SPOCK3: variants seen among roughly 807,000 people sequenced by gnomAD.
SPOCK3 encodes SPARC (osteonectin), cwcv and kazal like domains proteoglycan 3, also known as testican-3.
In SPOCK3, 30 loss-of-function variants were observed where a neutral mutation model predicts 56.6. The observed-to-expected ratio is 0.53, with a 90% CI of 0.40 to 0.72. The LOEUF is 0.72. Among genes scored for constraint, SPOCK3 ranks in the 30% least tolerant of loss-of-function variants. SPOCK3 has a pLI of 0.00. For synonymous variants in SPOCK3, 196 were observed against 183.3 expected, an observed-to-expected ratio of 1.07 and a Z score of -0.56; for missense variants, 527 against 530.0, an observed-to-expected ratio of 0.99 and a Z score of 0.06.
At chr4:167,209,347 G>A (rs1347795703) in intron 2 of SPOCK3, among the ~76,000 whole-genome samples, 7 of 152,030 alleles carry the variant, frequency 4.6e-5, no homozygotes, top group Non-Finnish European at 8.8e-5. Context: ...TGATGGATGA[G>A]TAGAATTTTT....
intron 4 of SPOCK3, among the ~76,000 whole-genome samples, chr4:166,974,357 C>T: frequency 6.6e-6 from 1 of 152,174 alleles, no homozygotes; most frequent in Non-Finnish European, 1.5e-5. Flanking sequence ...ATTTTGAAAT[C>T]TATTAATACT....
At chr4:166,916,242 A>G (rs117829714) in intron 4 of SPOCK3, among the ~76,000 whole-genome samples, 3,503 of 152,120 alleles carry the variant, frequency 0.023, 117 homozygotes, top group African/African-American at 0.069. Flanking sequence ...ATAGTTTCAT[A>G]TAATTATAAA....
chr4:166,957,959 A>T (rs1326512261), intron 4 of SPOCK3, among the ~76,000 whole-genome samples: 1 of 152,130 alleles, frequency 6.6e-6, no homozygotes, highest in Non-Finnish European at 1.5e-5. Flanking sequence ...GGTTACTGGG[A>T]AGGCACAATT....
At chr4:166,914,508 C>T (rs1019204890) in intron 4 of SPOCK3, among the ~76,000 whole-genome samples, 5 of 152,144 alleles carry the variant, frequency 3.3e-5, no homozygotes, top group Admixed American at 6.6e-5. Context: ...CGTTGGCTCA[C>T]GCCTGTAATC....
intron 2 of SPOCK3, among the ~76,000 whole-genome samples, chr4:167,208,857 A>G (rs1734597849): frequency 6.6e-6 from 1 of 152,164 alleles, no homozygotes; most frequent in South Asian, 2.1e-4. Flanking sequence ...TTAAAACAAT[A>G]TCTTGATAAG....
chr4:167,015,738 C>A (rs529611699), intron 3 of SPOCK3, among the ~76,000 whole-genome samples: 134 of 152,192 alleles, frequency 8.8e-4, no homozygotes, highest in Middle Eastern at 3.4e-3. Context: ...AGATTAAAAC[C>A]CAGAAATTAT....
intron 2 of SPOCK3, among the ~76,000 whole-genome samples, chr4:167,182,566 G>A (rs1435189773): frequency 6.6e-6 from 1 of 150,814 alleles, no homozygotes; most frequent in Non-Finnish European, 1.5e-5. Flanking sequence ...TTCAAGACAA[G>A]TCTTGCTGTA....
intron 6 of SPOCK3, among the ~76,000 whole-genome samples, chr4:166,854,004 G>A (rs895150360): frequency 1.3e-5 from 2 of 152,082 alleles, no homozygotes; most frequent in African/African-American, 4.8e-5. Context: ...AACAATGTTA[G>A]TTTGAGCAAT....
At chr4:167,189,596 C>A (rs1732304294) in intron 2 of SPOCK3, among the ~76,000 whole-genome samples, 1 of 144,920 alleles carries the variant, frequency 6.9e-6, no homozygotes, top group Non-Finnish European at 1.5e-5. Context: ...TAACACATCC[C>A]TCATATCTCA....
At chr4:167,036,769 C>T (rs187092508) in intron 3 of SPOCK3, among the ~76,000 whole-genome samples, 27 of 151,928 alleles carry the variant, frequency 1.8e-4, no homozygotes, top group Non-Finnish European at 2.6e-4. Context: ...AAAATAAATA[C>T]GACTCTCTAG....
intron 8 of SPOCK3, among the ~76,000 whole-genome samples, chr4:166,750,525 AT>A (rs1329238482): frequency 7.1e-6 from 1 of 141,278 alleles, no homozygotes; most frequent in Non-Finnish European, 1.5e-5. Flanking sequence ...AGAATTTTTT[AT>A]TAACTGTTCT....
chr4:166,920,289 C>T (rs556002003), intron 4 of SPOCK3, among the ~76,000 whole-genome samples: 43 of 152,248 alleles, frequency 2.8e-4, no homozygotes, highest in South Asian at 6.2e-4. Flanking sequence ...ATCTTCACCA[C>T]CACCAAAATA....
intron 8 of SPOCK3, among the ~76,000 whole-genome samples, chr4:166,745,998 A>T (rs938488907): frequency 6.6e-6 from 1 of 152,160 alleles, no homozygotes; most frequent in Non-Finnish European, 1.5e-5. Context: ...AAGTCCTTAG[A>T]GACCTACAAA....
chr4:166,979,436 C>T (rs899604217), intron 4 of SPOCK3, among the ~76,000 whole-genome samples: 1 of 152,138 alleles, frequency 6.6e-6, no homozygotes. Context: ...ATTGTTTTTT[C>T]CCCAAAATCT....
At chr4:167,161,517 T>C (rs1388147345) in intron 2 of SPOCK3, among the ~76,000 whole-genome samples, 1 of 152,148 alleles carries the variant, frequency 6.6e-6, no homozygotes, top group Non-Finnish European at 1.5e-5. Flanking sequence ...AAATACCATT[T>C]GACCCAGCCA....
intron 7 of SPOCK3, among the ~76,000 whole-genome samples, chr4:166,772,682 T>A (rs772055410): frequency 9.9e-5 from 15 of 152,228 alleles, no homozygotes; most frequent in Non-Finnish European, 1.5e-4. Context: ...AAATGAACTT[T>A]TAAATAATTC....
chr4:166,770,137 G>C (rs1738730483), intron 7 of SPOCK3, among the ~76,000 whole-genome samples: 1 of 152,124 alleles, frequency 6.6e-6, no homozygotes, highest in Admixed American at 6.5e-5. Flanking sequence ...GAGCTTCCCT[G>C]GTGAGGTGAT....
chr4:166,971,321 A>C (rs1399632041), intron 4 of SPOCK3, among the ~76,000 whole-genome samples: 9 of 152,160 alleles, frequency 5.9e-5, no homozygotes, highest in Non-Finnish European at 1.3e-4. Flanking sequence ...TTTAGCTCCA[A>C]AAAGAGAACA....
At chr4:166,915,510 C>T (rs975192286) in intron 4 of SPOCK3, among the ~76,000 whole-genome samples, 9 of 152,138 alleles carry the variant, frequency 5.9e-5, no homozygotes, top group Non-Finnish European at 1.5e-5. Flanking sequence ...AATATGTAAA[C>T]ATATATAAAT....
Sources: allele counts gnomAD v4.1 joint callset (sites outside exome capture counted in the v4.1 genomes callset), GRCh38; gene constraint gnomAD v4.1.1; transcripts MANE v1.5; gene names NCBI Gene and HGNC (gene_info 2026-07-23, HGNC 2026-07-21).